Variants in ZW10 observed in about 807,000 individuals in gnomAD.
ZW10 encodes zw10 kinetochore protein.
Under a neutral mutation model 87.8 loss-of-function variants are expected in ZW10, and 53 were observed. That is an observed-to-expected ratio of 0.60 (90% CI 0.48 to 0.76). The LOEUF (loss-of-function observed/expected upper bound fraction) is 0.76, where lower values mean the gene tolerates loss of function less well. Ranked by LOEUF, ZW10 falls within the 30% of genes least tolerant of loss-of-function variation. The pLI, the probability that ZW10 is intolerant of heterozygous loss-of-function variation, is 0.00. For missense variants in ZW10, 837 were observed against 923.0 expected, an observed-to-expected ratio of 0.91 and a Z score of 1.21; for synonymous variants, 312 against 329.2, an observed-to-expected ratio of 0.95 and a Z score of 0.57.
At chr11:113,750,305 T>C (rs886774267) in intron 7 of ZW10, among the ~76,000 whole-genome samples, 43 of 149,340 alleles carry the variant, frequency 2.9e-4, no homozygotes, top group African/African-American at 1.0e-3. Flanking sequence ...AAACATTTTT[T>C]TTCTTTTTTT....
In ZW10 at chr11:113,738,367, C is replaced by CGCATTTGGGCCAAAAAGCATTCTGTCCCT; in HGVS notation, c.1754-2_1780dup (p.Arg594GlnfsTer50). 1 of 1,612,624 alleles carries CGCATTTGGGCCAAAAAGCATTCTGTCCCT rather than the reference C, an allele frequency of 6.2e-7. No homozygotes were observed. Among genetic ancestry groups the CGCATTTGGGCCAAAAAGCATTCTGTCCCT allele is most frequent in the Non-Finnish European group, 8.5e-7 (1 of 1,179,490 alleles). ...TTCCAGAAGTTCACCTTTCTGTGCC[C>CGCATTTGGGCCAAAAAGCATTCTGTCCCT]GCATTTGGGCCAAAAAGCATTCTGT... On this transcript the variant is annotated frameshift_variant, in exon 13 of 16. Coordinates refer to ENST00000200135, the MANE Select transcript of ZW10 (RefSeq NM_004724.4). LOFTEE classifies it high-confidence loss of function.
In ZW10 at chr11:113,758,370, G is replaced by GAA. The variant is rs5794879; in HGVS notation, c.733+182_733+183dup. On this transcript the variant is annotated intron_variant, in intron 6 of 15. Transcript: ENST00000200135. Reference sequence around the variant, plus strand: ...ACCAAAAAAAAAAATAGGAACAGTTGAAAAAAAAAAAACCCAATCCCTTAA... The same window carrying GAA: ...ACCAAAAAAAAAAATAGGAACAGTTGAAAAAAAAAAAAAACCCAATCCCTTAA... Among the ~76,000 whole-genome samples, 902 of 143,752 alleles carry GAA rather than the reference G, an allele frequency of 6.3e-3. 8 individuals are homozygous for GAA. The highest frequency in any genetic ancestry group is 9.0e-3 in the Non-Finnish European group (597 of 66,254). 94.3% of individuals were successfully genotyped at this position (143,752 alleles called of 152,430 possible). A position where few individuals can be genotyped will look rare whatever the true frequency, so the allele number is the denominator to read the frequency against.
intron 1 of ZW10, among the ~76,000 whole-genome samples, chr11:113,773,161 T>C (rs1937658815): frequency 1.3e-5 from 2 of 151,878 alleles, no homozygotes; most frequent in Non-Finnish European, 2.9e-5. Context: ...GTCTTTTCTA[T>C]TCCTCTCCTG....
At chr11:113,770,970 AT>A (rs71063523) in intron 1 of ZW10, among the ~76,000 whole-genome samples, 26,095 of 115,066 alleles carry the variant, frequency 0.23, 1,939 homozygotes, top group Non-Finnish European at 0.25. Context: ...TGAGGATGCT[AT>A]TTTTTTTTTT....
intron 11 of ZW10, among the ~76,000 whole-genome samples, chr11:113,740,003 C>T (rs1953598364): frequency 6.6e-6 from 1 of 152,112 alleles, no homozygotes; most frequent in Non-Finnish European, 1.5e-5. Context: ...GTCTTATCTA[C>T]CCAGCTTGGG....
rs1315515535 is a variant in ZW10 at position 113,768,838 on chromosome 11, T to A, written c.235A>T (p.Ser79Cys). ...DIDLLKSRIESEVRRDLHVST... is the reference protein window; with the variant it reads ...DIDLLKSRIECEVRRDLHVST... ...ATATAACAAATTATCCTTACCTCAC[T>A]CTCTATCCTGGATTTCAGCAGGTCA... Residue 79 changes from serine to cysteine, a missense_variant, in exon 2 of 16, where the codon AGT becomes TGT. Transcript: ENST00000200135. 2 of 1,613,902 alleles carry A rather than the reference T, an allele frequency of 1.2e-6. No homozygotes were observed. Among genetic ancestry groups the A allele is most frequent in the African/African-American group, 2.7e-5 (2 of 74,888 alleles).
chr11:113,758,520 T>C (rs1387612328), intron 6 of ZW10, 34 bp downstream of exon 6: 1 of 1,605,308 alleles, frequency 6.2e-7, no homozygotes, highest in Non-Finnish European at 8.5e-7. Flanking sequence ...CCTCAGGAGA[T>C]TTTGTGTAAA....
chr11:113,743,894 G>C lies in ZW10; in HGVS notation c.1419C>G (p.Ser473=), dbSNP rs1423887586. 2.5e-6 allele frequency: 4 copies of C among 1,614,010 alleles called. No individual in the cohort carries two copies. Among genetic ancestry groups the C allele is most frequent in the Non-Finnish European group, 3.4e-6 (4 of 1,180,038 alleles). Residue 473 remains serine (S), a synonymous_variant, in exon 10 of 16, where the codon TCC becomes TCG. Coordinates refer to ENST00000200135, the MANE Select transcript of ZW10 (RefSeq NM_004724.4). ...ACTCACTGATACGGCATGTGGGCAA[G>C]GAAAAGGAATGTTGGTCCAATGTAT... ...PENTLDQHSF[S]LPTCRISESV...
Position 113,757,738 on chromosome 11 carries a change from G to A in ZW10, c.849C>T (p.Asn283=). 1.2e-6 allele frequency: 2 copies of A among 1,613,406 alleles called. No individual in the cohort carries two copies. The highest frequency in any genetic ancestry group is 1.7e-5 in the Admixed American group (1 of 59,980). ...VIIRFESIMT[N]LEYPSPSEVF... is the part of the protein sequence containing the mutation. Reference sequence around the variant, plus strand: ...CTTCAGATGGTGATGGATATTCCAAGTTAGTCATTATAGATTCAAAACGAA... The same window carrying A: ...CTTCAGATGGTGATGGATATTCCAAATTAGTCATTATAGATTCAAAACGAA... Residue 283 remains asparagine (N), a synonymous_variant, in exon 7 of 16, where the codon AAC becomes AAT. Coordinates refer to ENST00000200135, the MANE Select transcript of ZW10 (RefSeq NM_004724.4).
In ZW10 at chr11:113,757,765, A is replaced by T; in HGVS notation, c.822T>A (p.Ile274=). 6.2e-7 allele frequency: 1 copy of T among 1,613,976 alleles called. No homozygotes were observed. Among genetic ancestry groups the T allele is most frequent in the Non-Finnish European group, 8.5e-7 (1 of 1,179,886 alleles). The change falls in exon 7 of 16, where the codon ATT becomes ATA. Residue 274 remains isoleucine, a synonymous_variant. Transcript: ENST00000200135. ...TAGTCATTATAGATTCAAAACGAAT[A>T]ATAACTATGTTAGGCTGGCTTTCTA... The part of the protein sequence containing the change: ...AVIESQPNIV[I]IRFESIMTNL...
chr11:113,733,407 G>A lies in ZW10; in HGVS notation c.*287C>T, dbSNP rs1247797303. 5.4e-6 allele frequency: 2 copies of A among 368,352 alleles called. No individual in the cohort carries two copies. The highest frequency in any genetic ancestry group is 4.3e-5 in the African/African-American group (2 of 46,678). The allele number at this position is 368,352 out of a possible 1,614,324, so 22.8% of individuals were successfully genotyped here. On this transcript the variant is annotated 3_prime_UTR_variant, in exon 16 of 16. Coordinates refer to ENST00000200135, the MANE Select transcript of ZW10 (RefSeq NM_004724.4). Reference sequence around the variant, plus strand: ...ATGTATATAGCTCCCAGAGGGCTCTGGAAGCAGCATGAAATAATGCTGCCT... The same window carrying A: ...ATGTATATAGCTCCCAGAGGGCTCTAGAAGCAGCATGAAATAATGCTGCCT...
chr11:113,739,513 C>T (rs1953591229), intron 11 of ZW10, 131 bp from the exon 12 acceptor site: 3 of 781,302 alleles, frequency 3.8e-6, no homozygotes, highest in African/African-American at 3.6e-5. Context: ...CTATACATAA[C>T]AAGATACAAT....
At chr11:113,754,682 A>G (rs764027046) in intron 7 of ZW10, among the ~76,000 whole-genome samples, 4 of 152,086 alleles carry the variant, frequency 2.6e-5, no homozygotes, top group African/African-American at 4.8e-5. Context: ...AACACAGCTC[A>G]CTGCAGCCTC....
Position 113,757,661 on chromosome 11 carries a change from C to T in ZW10, c.925+1G>A. 6.5e-7 allele frequency: 1 copy of T among 1,533,738 alleles called. No individual in the cohort carries two copies. The highest frequency in any genetic ancestry group is 8.8e-7 in the Non-Finnish European group (1 of 1,133,042). On this transcript the variant is annotated splice_donor_variant, in intron 7 of 15. Coordinates refer to ENST00000200135, the MANE Select transcript of ZW10 (RefSeq NM_004724.4). LOFTEE classifies it high-confidence loss of function. The stretch of plus-strand genomic sequence containing the variant: ...AAAAGCACTGCCTTGGAGACACATA[C>T]CTAGAAGCTGTTTCTGGAGCACTTC...
rs1232083128 is a variant in ZW10 at position 113,733,207 on chromosome 11, T to C, written c.*487A>G. 6.5e-6 allele frequency: 1 copy of C among 153,092 alleles called. No individual in the cohort carries two copies. Among genetic ancestry groups the C allele is most frequent in the Non-Finnish European group, 1.5e-5 (1 of 68,652 alleles). The allele number at this position is 153,092 out of a possible 1,614,324, so 9.5% of individuals were successfully genotyped here. On this transcript the variant is annotated 3_prime_UTR_variant, in exon 16 of 16. Transcript: ENST00000200135. ...CTTAATTGTAAAAAGCAATATTTAT[T>C]GGAAAGAAATATTACAGGAAGTCTC...
chr11:113,741,756 T>C lies in ZW10; in HGVS notation c.1521A>G (p.Gln507=). ...ATTSSDQCAV[Q]LFYSVRNIFH... ...AGATATTCCTCACTGAGTAGAAAAG[T>C]TGAACAGCACTAAAAAGAAAACATA... The change falls in exon 11 of 16, where the codon CAA becomes CAG. Residue 507 remains glutamine (Q), a synonymous_variant. Coordinates refer to ENST00000200135, the MANE Select transcript of ZW10 (RefSeq NM_004724.4). 6.2e-7 allele frequency: 1 copy of C among 1,607,352 alleles called. No homozygotes were observed. The highest frequency in any genetic ancestry group is 1.3e-5 in the African/African-American group (1 of 74,802).
At chr11:113,740,312 G>A (rs550896062) in intron 11 of ZW10, among the ~76,000 whole-genome samples, 7 of 152,092 alleles carry the variant, frequency 4.6e-5, no homozygotes, top group Admixed American at 6.6e-5. Context: ...AAGTCTGGCC[G>A]GTGCAGTGGC....
chr11:113,736,848 T>C (rs369324664), intron 14 of ZW10, 26 bp from the exon 15 acceptor site: 677 of 1,609,280 alleles, frequency 4.2e-4, no homozygotes, highest in Non-Finnish European at 4.4e-4. Context: ...GGAAACACAA[T>C]AGAATAGAAT....
At chr11:113,747,819 T>C (rs1008015269) in intron 8 of ZW10, 106 bp from the exon 9 acceptor site, 1 of 860,110 alleles carries the variant, frequency 1.2e-6, no homozygotes, top group Non-Finnish European at 1.7e-6. Context: ...AGCTGGTCAT[T>C]TTAGAATGGA....
Sources: allele counts gnomAD v4.1 joint callset (sites outside exome capture counted in the v4.1 genomes callset), GRCh38; gene constraint gnomAD v4.1.1; transcripts MANE v1.5; gene names NCBI Gene and HGNC (gene_info 2026-07-23, HGNC 2026-07-21).